BBX: variants seen among roughly 807,000 people sequenced by gnomAD.
BBX encodes the protein HMG box transcription factor BBX.
In BBX, 30 loss-of-function variants were observed where a neutral mutation model predicts 100.2. The observed-to-expected ratio is 0.30, with a 90% CI of 0.22 to 0.41. The LOEUF is 0.41. Ranked by LOEUF, BBX falls within the 10% of genes least tolerant of loss-of-function variation. The probability of loss-of-function intolerance (pLI) is 1.00; values close to 1 mark genes in which losing one functional copy is unlikely to be tolerated. For synonymous variants in BBX, 376 were observed against 388.1 expected, an observed-to-expected ratio of 0.97 and a Z score of 0.37; for missense variants, 1,023 against 1,129.8, an observed-to-expected ratio of 0.91 and a Z score of 1.35.
At chr3:107,571,330 A>G (rs1455779482) in intron 2 of BBX, among the ~76,000 whole-genome samples, 2 of 152,072 alleles carry the variant, frequency 1.3e-5, no homozygotes, top group African/African-American at 2.4e-5. Flanking sequence ...GACACCAATG[A>G]AACATGGGTG....
chr3:107,623,872 A>G (rs956304061), intron 2 of BBX, among the ~76,000 whole-genome samples: 2 of 152,152 alleles, frequency 1.3e-5, no homozygotes, highest in Non-Finnish European at 2.9e-5. Flanking sequence ...AATGTAACCT[A>G]TTTTACTCCC....
At position 107,774,797 on chromosome 3, in the gene BBX, G is replaced by A. The variant is rs200089703; in HGVS notation, c.1994G>A (p.Ser665Asn). The change falls in exon 12 of 18, where the codon AGT (serine) becomes AAT (asparagine). Residue 665 changes from serine to asparagine, a missense_variant. Coordinates refer to ENST00000325805, the MANE Select transcript of BBX (RefSeq NM_001142568.3). ...GAAGAAAGCTGGACATTTAGTCAGA[G>A]TGGGACCAGTGGGAGCAAGAAGTTC... is the stretch of plus-strand genomic sequence containing the variant. ...WNEESWTFSQ[S>N]GTSGSKKFKK... 31 of 1,613,622 alleles carry A rather than the reference G, an allele frequency of 1.9e-5. No individual in the cohort carries two copies. The Admixed American group carries it at 3.5e-4, about 18-fold the overall frequency.
chr3:107,528,625 T>G (rs550014769), intron 2 of BBX, among the ~76,000 whole-genome samples: 3 of 152,302 alleles, frequency 2.0e-5, no homozygotes, highest in African/African-American at 7.2e-5. Flanking sequence ...CTTAATCCAT[T>G]AAAACAGATT....
chr3:107,633,496 A>G (rs1224233038), intron 2 of BBX, among the ~76,000 whole-genome samples: 2 of 152,220 alleles, frequency 1.3e-5, no homozygotes, highest in Non-Finnish European at 2.9e-5. Flanking sequence ...GCGCAGATCA[A>G]AGGGATAGAG....
intron 2 of BBX, among the ~76,000 whole-genome samples, chr3:107,579,265 C>A (rs912153247): frequency 6.6e-6 from 1 of 152,080 alleles, no homozygotes; most frequent in Admixed American, 6.6e-5. Flanking sequence ...AGCACTTGGG[C>A]GAATCATGCA....
intron 14 of BBX, 22 bp from the exon 15 acceptor site, chr3:107,791,218 C>T (rs1326530839): frequency 4.4e-6 from 7 of 1,606,874 alleles, no homozygotes; most frequent in Non-Finnish European, 6.0e-6. Flanking sequence ...ACTTTTCTTT[C>T]CTTTTCTGTC....
intron 2 of BBX, among the ~76,000 whole-genome samples, chr3:107,570,124 C>T (rs1266565584): frequency 6.6e-6 from 1 of 152,172 alleles, no homozygotes; most frequent in South Asian, 2.1e-4. Context: ...GCGGGCAGTC[C>T]TGGAGGAACC....
Position 107,691,795 on chromosome 3 carries a change from T to A in BBX, c.-9-18657T>A, listed in dbSNP as rs533616151. ...ACACCTACCTTTATGTAATTTGTAA[T>A]TTAGTAAATGGTGAGTCTAATTCTA... On this transcript the variant is annotated intron_variant, in intron 3 of 17. Transcript: ENST00000325805. 3.9e-5 allele frequency among the ~76,000 whole-genome samples: 6 copies of A among 152,338 alleles called. No individual in the cohort carries two copies. In the East Asian group the frequency reaches 9.6e-4, roughly 24 times the overall value.
chr3:107,668,674 T>C (rs1215272276), intron 3 of BBX, among the ~76,000 whole-genome samples: 1 of 152,198 alleles, frequency 6.6e-6, no homozygotes, highest in Non-Finnish European at 1.5e-5. Context: ...AGCTGTTTCT[T>C]CAAAATTAAA....
At chr3:107,799,149 C>CA (rs1225807742) in intron 16 of BBX, among the ~76,000 whole-genome samples, 424 of 126,778 alleles carry the variant, frequency 3.3e-3, no homozygotes, top group African/African-American at 9.1e-3. Context: ...GACTCTGTCT[C>CA]AAAAAAAAAA....
At chr3:107,761,548 A>G (rs1224358459) in intron 10 of BBX, among the ~76,000 whole-genome samples, 4 of 152,154 alleles carry the variant, frequency 2.6e-5, no homozygotes, top group Admixed American at 2.6e-4. Context: ...TGAGTGAGTC[A>G]ATGTGAGAGG....
At chr3:107,799,367 G>C (rs538944929) in intron 16 of BBX, among the ~76,000 whole-genome samples, 1 of 152,248 alleles carries the variant, frequency 6.6e-6, no homozygotes, top group Admixed American at 6.5e-5. Flanking sequence ...ACTGAAAAAT[G>C]AGTCTATTCT....
chr3:107,688,648 A>G (rs572816027), intron 3 of BBX, among the ~76,000 whole-genome samples: 3 of 152,292 alleles, frequency 2.0e-5, no homozygotes, highest in Non-Finnish European at 4.4e-5. Context: ...GTTGCACTCT[A>G]TTACCTGCTG....
chr3:107,607,922 T>G (rs2054570213), intron 2 of BBX, among the ~76,000 whole-genome samples: 1 of 152,166 alleles, frequency 6.6e-6, no homozygotes, highest in African/African-American at 2.4e-5. Context: ...ATTTTTTCCT[T>G]AAGAGTTGTT....
chr3:107,763,949 A>G (rs1305460673), intron 10 of BBX, among the ~76,000 whole-genome samples: 1 of 152,130 alleles, frequency 6.6e-6, no homozygotes, highest in Non-Finnish European at 1.5e-5. Context: ...GCTGGGCCGG[A>G]CCAAGCAGTA....
At chr3:107,556,118 T>C (rs550102712) in intron 2 of BBX, among the ~76,000 whole-genome samples, 1 of 152,230 alleles carries the variant, frequency 6.6e-6, no homozygotes, top group African/African-American at 2.4e-5. Context: ...GGCTCAGGGA[T>C]CTGCTCAACT....
intron 3 of BBX, among the ~76,000 whole-genome samples, chr3:107,653,587 T>C (rs2057970304): frequency 6.6e-6 from 1 of 152,246 alleles, no homozygotes; most frequent in African/African-American, 2.4e-5. Context: ...CCTGCTTAAT[T>C]TGCAGTTGTT....
intron 2 of BBX, among the ~76,000 whole-genome samples, chr3:107,629,515 C>T (rs1053494963): frequency 6.6e-6 from 1 of 152,158 alleles, no homozygotes; most frequent in African/African-American, 2.4e-5. Flanking sequence ...TATTCCCCCT[C>T]ATCTCCCCTG....
At chr3:107,697,230 G>T (rs896178441) in intron 3 of BBX, among the ~76,000 whole-genome samples, 1 of 151,890 alleles carries the variant, frequency 6.6e-6, no homozygotes, top group African/African-American at 2.4e-5. Context: ...GCTTTGTTCT[G>T]TTGCTGGTGA....
Sources: gnomAD v4.1 joint callset for allele counts (sites outside exome capture counted in the v4.1 genomes callset) on GRCh38, gnomAD v4.1.1 for gene constraint, MANE v1.5 for transcripts, NCBI Gene and HGNC (gene_info 2026-07-23, HGNC 2026-07-21) for gene names.